CREB5: variants seen among roughly 807,000 people sequenced by gnomAD.
The protein encoded by CREB5 is cyclic AMP-responsive element-binding protein 5.
CREB5 carries 19 observed loss-of-function variants against 57.1 expected under a neutral mutation model. The ratio of observed to expected loss-of-function variants is 0.33; its 90% CI spans 0.23 to 0.49. The LOEUF (loss-of-function observed/expected upper bound fraction) is 0.49, where lower values mean the gene tolerates loss of function less well. Ranked by LOEUF, CREB5 falls within the 20% of genes least tolerant of loss-of-function variation. The probability of loss-of-function intolerance (pLI) is 0.99; values close to 1 mark genes in which losing one functional copy is unlikely to be tolerated. For synonymous variants in CREB5, 238 were observed against 238.3 expected, an observed-to-expected ratio of 1.00 and a Z score of 0.01; for missense variants, 579 against 671.6, an observed-to-expected ratio of 0.86 and a Z score of 1.52.
chr7:28,560,819 T>TGTGTGCGC (rs1562796977), intron 4 of CREB5, among the ~76,000 whole-genome samples: 1 of 62,354 alleles, frequency 1.6e-5, no homozygotes, highest in Non-Finnish European at 3.6e-5. Flanking sequence ...CGTGTGTGTG[T>TGTGTGCGC]GTGCGCGCGC....
intron 5 of CREB5, among the ~76,000 whole-genome samples, chr7:28,687,153 T>C (rs1038332689): frequency 6.6e-6 from 1 of 152,210 alleles, no homozygotes; most frequent in Admixed American, 6.5e-5. Flanking sequence ...CTTTCCCCTA[T>C]TATTTCAGTG....
chr7:28,472,132 A>G (rs950678990), intron 1 of CREB5, among the ~76,000 whole-genome samples: 3 of 145,512 alleles, frequency 2.1e-5, no homozygotes, highest in East Asian at 2.1e-4. Flanking sequence ...AACCCAAAAT[A>G]CGTCATCTTA....
intron 4 of CREB5, among the ~76,000 whole-genome samples, chr7:28,549,578 C>T (rs553032028): frequency 1.3e-3 from 199 of 152,302 alleles, no homozygotes; most frequent in Middle Eastern, 3.4e-3. Context: ...TTTTTCCCCT[C>T]TTCTAATTTT....
intron 4 of CREB5, among the ~76,000 whole-genome samples, chr7:28,533,534 C>G (rs1487303472): frequency 6.6e-6 from 1 of 152,216 alleles, no homozygotes; most frequent in African/African-American, 2.4e-5. Flanking sequence ...GAAAGCACCA[C>G]AGGATTTCCG....
intron 5 of CREB5, among the ~76,000 whole-genome samples, chr7:28,641,688 T>A (rs75515147): frequency 1.1e-3 from 165 of 152,276 alleles, no homozygotes; most frequent in African/African-American, 3.3e-3. Context: ...AAGGAAATGG[T>A]GAGTTAGACT....
chr7:28,422,151 G>A (rs923636709), intron 1 of CREB5, among the ~76,000 whole-genome samples: 3 of 152,122 alleles, frequency 2.0e-5, no homozygotes, highest in African/African-American at 7.2e-5. Flanking sequence ...GCCCAGGCTT[G>A]TGCATAATAT....
In CREB5 at chr7:28,669,154, G is replaced by A. The variant is rs73684269; in HGVS notation, c.465-49599G>A. ...AAGGATGTTTCAAGTTGAAGGATCA[G>A]CATTAGCAAAGTTGTAGATGTAGGG... On this transcript the variant is annotated intron_variant, in intron 5 of 10. Transcript: ENST00000357727. 3.0e-3 allele frequency among the ~76,000 whole-genome samples: 460 copies of A among 152,328 alleles called. 4 individuals carry two copies. The highest frequency in any genetic ancestry group is 0.011 in the African/African-American group (447 of 41,576).
At chr7:28,390,055 T>C (rs943773819) in intron 1 of CREB5, among the ~76,000 whole-genome samples, 2 of 152,014 alleles carry the variant, frequency 1.3e-5, no homozygotes, top group Non-Finnish European at 1.5e-5. Context: ...TTTTTTTTTT[T>C]TTCAAACTCT....
At chr7:28,587,351 C>T (rs1796340358) in intron 5 of CREB5, among the ~76,000 whole-genome samples, 1 of 152,122 alleles carries the variant, frequency 6.6e-6, no homozygotes, top group African/African-American at 2.4e-5. Context: ...CACAGTGGAG[C>T]TTGTCTCTGG....
At chr7:28,670,800 G>A (rs1484292368) in intron 5 of CREB5, among the ~76,000 whole-genome samples, 2 of 152,146 alleles carry the variant, frequency 1.3e-5, no homozygotes, top group African/African-American at 2.4e-5. Flanking sequence ...CTCTGTAGTA[G>A]CCTGCTTTGT....
At chr7:28,318,816 A>C (rs78535133) in intron 1 of CREB5, among the ~76,000 whole-genome samples, 8,437 of 152,306 alleles carry the variant, frequency 0.055, 425 homozygotes, top group African/African-American at 0.13. Context: ...GAAGAATTTC[A>C]AGGCTCATCA....
intron 5 of CREB5, among the ~76,000 whole-genome samples, chr7:28,621,447 A>C (rs1797787703): frequency 6.6e-6 from 1 of 152,216 alleles, no homozygotes. Flanking sequence ...TCTCATGTTT[A>C]GGTCATAGCT....
chr7:28,510,612 G>A (rs1475430834), intron 4 of CREB5, among the ~76,000 whole-genome samples: 1 of 152,212 alleles, frequency 6.6e-6, no homozygotes, highest in Non-Finnish European at 1.5e-5. Flanking sequence ...CCATGTGGCT[G>A]TCCATTGGGG....
At chr7:28,738,418 C>A (rs760619707) in intron 7 of CREB5, among the ~76,000 whole-genome samples, 3 of 152,198 alleles carry the variant, frequency 2.0e-5, no homozygotes, top group African/African-American at 7.2e-5. Flanking sequence ...TCAGTAGGCT[C>A]TTTGCCAACA....
intron 1 of CREB5, among the ~76,000 whole-genome samples, chr7:28,356,585 A>G (rs1455970525): frequency 2.0e-5 from 3 of 152,218 alleles, no homozygotes; most frequent in African/African-American, 7.2e-5. Flanking sequence ...CTTGGTTAGC[A>G]TTGCATTCAG....
chr7:28,735,450 A>G (rs867317558), intron 7 of CREB5, among the ~76,000 whole-genome samples: 1 of 152,170 alleles, frequency 6.6e-6, no homozygotes, highest in Admixed American at 6.5e-5. Flanking sequence ...GGCCATTTTT[A>G]TTTCCTCAGT....
intron 5 of CREB5, among the ~76,000 whole-genome samples, chr7:28,666,431 C>T (rs1799826932): frequency 6.6e-6 from 1 of 152,194 alleles, no homozygotes; most frequent in Non-Finnish European, 1.5e-5. Context: ...GTGGGTAGTT[C>T]CCTGACTTGA....
intron 5 of CREB5, among the ~76,000 whole-genome samples, chr7:28,636,755 C>T (rs1052944714): frequency 6.6e-6 from 1 of 152,098 alleles, no homozygotes; most frequent in Admixed American, 6.6e-5. Context: ...TTGTCTTCAT[C>T]CTTACCATAC....
intron 5 of CREB5, among the ~76,000 whole-genome samples, chr7:28,650,904 G>A (rs960760936): frequency 7.2e-5 from 11 of 152,084 alleles, no homozygotes; most frequent in African/African-American, 2.4e-5. Flanking sequence ...GTGTTTACTT[G>A]GTTCACATAA....
Sources: allele counts gnomAD v4.1 joint callset (sites outside exome capture counted in the v4.1 genomes callset), GRCh38; gene constraint gnomAD v4.1.1; transcripts MANE v1.5; gene names NCBI Gene and HGNC (gene_info 2026-07-23, HGNC 2026-07-21).